Variants in SEPTIN11 observed in about 807,000 individuals in gnomAD.
SEPTIN11 encodes septin-11.
Under a neutral mutation model 51.4 loss-of-function variants are expected in SEPTIN11, and 25 were observed. The observed-to-expected ratio is 0.49, with a 90% CI of 0.35 to 0.68. The LOEUF is 0.68. SEPTIN11 is among the 30% of genes least tolerant of loss of function. The pLI is 0.00. For missense variants in SEPTIN11, 381 were observed against 520.8 expected, an observed-to-expected ratio of 0.73 and a Z score of 2.61; for synonymous variants, 174 against 184.1, an observed-to-expected ratio of 0.95 and a Z score of 0.44.
intron 1 of SEPTIN11, among the ~76,000 whole-genome samples, chr4:76,964,784 T>G (rs1254980115): frequency 6.6e-6 from 1 of 152,224 alleles, no homozygotes; most frequent in African/African-American, 2.4e-5. Context: ...ACTTAAACAT[T>G]ATTTCTGTGC....
At chr4:76,968,537 G>A (rs897496788) in intron 1 of SEPTIN11, among the ~76,000 whole-genome samples, 1 of 152,118 alleles carries the variant, frequency 6.6e-6, no homozygotes, top group Non-Finnish European at 1.5e-5. Flanking sequence ...AGACTATTTA[G>A]AAAACATCTT....
chr4:77,036,631 CAAAAG>C lies in SEPTIN11; in HGVS notation c.*2123_*2127del. ...TATGGCGAGTCAGGGAATAAAAAGT[CAAAAG>C]AAACAAATAGAAGCTTTTTTTTTTA... On this transcript the variant is annotated 3_prime_UTR_variant, in exon 10 of 10. Transcript: ENST00000264893. 6.8e-7 allele frequency: 1 copy of C among 1,468,524 alleles called. No homozygotes were observed. The highest frequency in any genetic ancestry group is 8.9e-7 in the Non-Finnish European group (1 of 1,121,668). The allele number at this position is 1,468,524 out of a possible 1,614,324, so 91.0% of individuals were successfully genotyped here.
At chr4:76,959,109 T>C (rs948487974) in intron 1 of SEPTIN11, 1 of 647,856 alleles carries the variant, frequency 1.5e-6, no homozygotes, top group Non-Finnish European at 3.0e-6. Flanking sequence ...ACTACAAGTT[T>C]ATTGCCTGCG....
chr4:76,950,695 G>A (rs1721295178), intron 1 of SEPTIN11, among the ~76,000 whole-genome samples: 1 of 152,188 alleles, frequency 6.6e-6, no homozygotes, highest in Non-Finnish European at 1.5e-5. Context: ...TTTGCCCCGA[G>A]TGTGTGGGCC....
At chr4:77,019,310 G>C in intron 6 of SEPTIN11, 49 bp downstream of exon 6, 1 of 1,455,454 alleles carries the variant, frequency 6.9e-7, no homozygotes. Flanking sequence ...GCCCCTATGT[G>C]AATGGCCGTG....
intron 1 of SEPTIN11, among the ~76,000 whole-genome samples, chr4:76,962,436 A>C (rs544322743): frequency 3.3e-5 from 5 of 152,358 alleles, no homozygotes; most frequent in African/African-American, 9.6e-5. Context: ...TGTACTTAAC[A>C]AAACATTTCC....
chr4:77,017,337 C>T (rs1292613559), intron 5 of SEPTIN11, among the ~76,000 whole-genome samples: 1 of 152,136 alleles, frequency 6.6e-6, no homozygotes, highest in African/African-American at 2.4e-5. Context: ...TTCTTTTAGG[C>T]TCTTCATTAC....
chr4:77,026,944 T>C (rs1244939498), intron 7 of SEPTIN11, among the ~76,000 whole-genome samples: 1 of 152,228 alleles, frequency 6.6e-6, no homozygotes, highest in Non-Finnish European at 1.5e-5. Context: ...TTGCTATTAA[T>C]ATTAGCCAAC....
intron 1 of SEPTIN11, among the ~76,000 whole-genome samples, chr4:76,970,678 A>T (rs887153322): frequency 1.1e-4 from 16 of 152,206 alleles, no homozygotes; most frequent in Admixed American, 9.8e-4. Context: ...GATTGCTCAG[A>T]CCATACTAGT....
At chr4:77,033,508 A>C (rs1415531759) in intron 9 of SEPTIN11, among the ~76,000 whole-genome samples, 1 of 152,150 alleles carries the variant, frequency 6.6e-6, no homozygotes, top group Non-Finnish European at 1.5e-5. Flanking sequence ...GTGGCATGAG[A>C]GTGTATAACA....
chr4:76,952,738 G>A (rs1161655596), intron 1 of SEPTIN11, among the ~76,000 whole-genome samples: 2 of 152,150 alleles, frequency 1.3e-5, no homozygotes, highest in African/African-American at 4.8e-5. Context: ...GATGGTTTTT[G>A]GGCTTAGCCC....
At chr4:76,995,699 C>G (rs1262838016) in intron 1 of SEPTIN11, 5 of 1,246,088 alleles carry the variant, frequency 4.0e-6, no homozygotes, top group Admixed American at 3.0e-5. Flanking sequence ...TATATAACAG[C>G]ATAAATCACC....
chr4:77,002,766 G>GT (rs1368936454), intron 2 of SEPTIN11, among the ~76,000 whole-genome samples: 4,558 of 143,398 alleles, frequency 0.032, 217 homozygotes, highest in African/African-American at 0.1. Context: ...TTTATGGAGG[G>GT]TTTTTTTTTT....
At chr4:76,963,238 T>G in intron 1 of SEPTIN11, among the ~76,000 whole-genome samples, 1 of 152,256 alleles carries the variant, frequency 6.6e-6, no homozygotes, top group East Asian at 1.9e-4. Context: ...ACTTGCACAT[T>G]GGCTTTGCCA....
chr4:77,003,959 G>A (rs553710700), intron 2 of SEPTIN11, among the ~76,000 whole-genome samples: 1 of 152,210 alleles, frequency 6.6e-6, no homozygotes, highest in Non-Finnish European at 1.5e-5. Flanking sequence ...AAATCTAATT[G>A]AAAAATTTTC....
downstream of SEPTIN11, chr4:77,039,826 C>A: frequency 1.3e-6 from 1 of 766,602 alleles, no homozygotes; most frequent in Non-Finnish European, 1.6e-6. Context: ...TTGACTTTTT[C>A]TGTTACTTGC....
At chr4:76,964,192 CTT>C (rs1319964835) in intron 1 of SEPTIN11, among the ~76,000 whole-genome samples, 3 of 151,854 alleles carry the variant, frequency 2.0e-5, no homozygotes, top group Non-Finnish European at 2.9e-5. Flanking sequence ...TTAAGAAAAA[CTT>C]TTTTTAATTA....
In SEPTIN11 at chr4:77,037,694, T is replaced by C. The variant is rs1727133124; in HGVS notation, c.*3182T>C. 2.8e-5 allele frequency: 28 copies of C among 985,728 alleles called. No homozygotes were observed. Among genetic ancestry groups the C allele is most frequent in the Non-Finnish European group, 3.3e-5 (27 of 829,928 alleles). 61.1% of individuals were successfully genotyped at this position (985,728 alleles called of 1,614,324 possible). ...ACCATCTTTTTGCTTCTTCTGAACT[T>C]TAGATCTCCATAACACATGTACTGT... On this transcript the variant is annotated 3_prime_UTR_variant, in exon 10 of 10. Coordinates refer to ENST00000264893, the MANE Select transcript of SEPTIN11 (RefSeq NM_018243.4).
At chr4:76,975,954 T>G (rs1249033307) in intron 1 of SEPTIN11, among the ~76,000 whole-genome samples, 1 of 151,998 alleles carries the variant, frequency 6.6e-6, no homozygotes, top group African/African-American at 2.4e-5. Context: ...AAGAAAAGAG[T>G]TTAAGGCAAA....
Sources: allele counts gnomAD v4.1 joint callset (sites outside exome capture counted in the v4.1 genomes callset), GRCh38; gene constraint gnomAD v4.1.1; transcripts MANE v1.5; gene names NCBI Gene and HGNC (gene_info 2026-07-23, HGNC 2026-07-21).